The following EVPLL variants were observed in gnomAD, a reference collection of about 807,000 sequenced individuals.
EVPLL encodes envoplakin-like protein.
In EVPLL, 39 loss-of-function variants were observed where a neutral mutation model predicts 46.2. That is an observed-to-expected ratio of 0.84 (90% CI 0.65 to 1.10). EVPLL has a LOEUF of 1.10. EVPLL is among the 50% of genes least tolerant of loss of function. EVPLL has a pLI of 0.00. For synonymous variants in EVPLL, 156 were observed against 165.8 expected (o/e 0.94, Z 0.46); for missense variants, 385 against 412.6 (o/e 0.93, Z 0.58).
In EVPLL at chr17:18,381,007, A is replaced by G. The variant is rs1334942085; in HGVS notation, c.63+7A>G. On this transcript the variant is annotated splice_region_variant and intron_variant, in intron 2 of 10. Coordinates refer to ENST00000399134, the MANE Select transcript of EVPLL (RefSeq NM_001145127.2). The surrounding 1 kb of genome is among the most constrained non-coding windows in gnomAD (Gnocchi z 4.2). The stretch of plus-strand genomic sequence containing the variant: ...GCAGAAGAGGCTGCAGCAGGTGAGA[A>G]CCCGGCAGCAGTTGGCAGGGTGTGG... 2 of 1,578,038 alleles carry G rather than the reference A, an allele frequency of 1.3e-6. No individual in the cohort carries two copies. Among genetic ancestry groups the G allele is most frequent in the Admixed American group, 1.8e-5 (1 of 54,640 alleles).
Position 18,389,389 on chromosome 17 carries a change from C to T in EVPLL, c.*573C>T, listed in dbSNP as rs1987876020. ...TCCTGCTCTCAGAGGTGGCCTCCTC[C>T]TCCAGGCATGGAGGTCTGTCCACTA... On this transcript the variant is annotated 3_prime_UTR_variant, in exon 11 of 11. Coordinates refer to ENST00000399134, the MANE Select transcript of EVPLL (RefSeq NM_001145127.2). The T allele has an allele frequency of 8.5e-6, 1 of 117,658 alleles. No individual in the cohort carries two copies. The highest frequency in any genetic ancestry group is 2.6e-4 in the South Asian group (1 of 3,808). 7.3% of individuals were successfully genotyped at this position (117,658 alleles called of 1,614,324 possible).
rs747863293 is a variant in EVPLL at position 18,383,086 on chromosome 17, G to A, written c.573G>A (p.Thr191=). Residue 191 remains threonine, a synonymous_variant, in exon 7 of 11, where the codon ACG becomes ACA. Coordinates refer to ENST00000399134, the MANE Select transcript of EVPLL (RefSeq NM_001145127.2). ...GQPVHALQGC[T]WQLSALAEQQ... is the part of the protein sequence containing the mutation. ...CTGTACACGCACTGCAGGGCTGCAC[G>A]TGGCAGCTGAGCGCCCTGGCGGAGC... 77 of 1,553,188 alleles carry A rather than the reference G, an allele frequency of 5.0e-5. No individual in the cohort carries two copies. Among genetic ancestry groups the A allele is most frequent in the Middle Eastern group, 2.3e-4 (1 of 4,392 alleles).
chr17:18,381,994 GCA>G lies in EVPLL; in HGVS notation c.346+266_346+267del. The G allele has an allele frequency of 1.9e-6, 1 of 534,124 alleles. No homozygotes were observed. Among genetic ancestry groups the G allele is most frequent in the South Asian group, 2.4e-5 (1 of 41,492 alleles). 33.1% of individuals were successfully genotyped at this position (534,124 alleles called of 1,614,324 possible). A position where few individuals can be genotyped will look rare whatever the true frequency, so the allele number is the denominator to read the frequency against. On this transcript the variant is annotated intron_variant, in intron 4 of 10. Transcript: ENST00000399134. The surrounding 1 kb of genome is among the most constrained non-coding windows in gnomAD (Gnocchi z 4.2). Reference sequence around the variant, plus strand: ...ACAATTCCAGAAAGAAGGAGCAAAGGCACCTGCCAGGAGGAAGCCTAGGATTC... The same window carrying G: ...ACAATTCCAGAAAGAAGGAGCAAAGGCCTGCCAGGAGGAAGCCTAGGATTC...
Position 18,381,147 on chromosome 17 carries a change from C to T in EVPLL, c.63+147C>T, listed in dbSNP as rs1451320404. 2 of 1,205,434 alleles carry T rather than the reference C, an allele frequency of 1.7e-6. No individual in the cohort carries two copies. Among genetic ancestry groups the T allele is most frequent in the Non-Finnish European group, 2.3e-6 (2 of 858,034 alleles). 74.7% of individuals were successfully genotyped at this position (1,205,434 alleles called of 1,614,324 possible). A position where few individuals can be genotyped will look rare whatever the true frequency, so the allele number is the denominator to read the frequency against. On this transcript the variant is annotated intron_variant, in intron 2 of 10. Transcript: ENST00000399134. The surrounding 1 kb of genome is among the most constrained non-coding windows in gnomAD (Gnocchi z 4.2). Reference sequence around the variant, plus strand: ...GTCCTGCACCGCCTGTCCCCTAACACACGGTGGGAGAGAGGGCTCAACTTC... The same window carrying T: ...GTCCTGCACCGCCTGTCCCCTAACATACGGTGGGAGAGAGGGCTCAACTTC...
At position 18,383,342 on chromosome 17, in the gene EVPLL, G is replaced by C. The variant is rs983748392; in HGVS notation, c.744G>C (p.Met248Ile). 6.2e-7 allele frequency: 1 copy of C among 1,604,776 alleles called. No homozygotes were observed. The highest frequency in any genetic ancestry group is 1.3e-5 in the African/African-American group (1 of 74,680). ...AGCTGGAGGAGGACGGCAAGCGCAT[G>C]GTGGAGCTGCGGCACCCCGCGGTGG... ...VNQLEEDGKR[M>I]VELRHPAVGP... is the part of the protein sequence containing the mutation. The change falls in exon 8 of 11, where the codon ATG becomes ATC. Residue 248 changes from methionine to isoleucine, a missense_variant. Physicochemically the swap from Met to Ile is conservative, Grantham distance 10. Transcript: ENST00000399134.
Position 18,382,837 on chromosome 17 carries a change from C to T in EVPLL, c.484C>T (p.His162Tyr). Residue 162 changes from histidine to tyrosine, a missense_variant, in exon 6 of 11, where the codon CAT becomes TAT. Physicochemically the swap from His to Tyr is moderately conservative, Grantham distance 83 (BLOSUM62 2). Transcript: ENST00000399134. ...AEPGGAGCRHHPEPIPRPTEG... is the reference protein window; with the variant it reads ...AEPGGAGCRHYPEPIPRPTEG... ...CTTGGTCAAGGCAGGATGCCGCCAC[C>T]ATCCGGAGCCAATACCGAGACCTAC... 1 of 1,613,386 alleles carries T rather than the reference C, an allele frequency of 6.2e-7. No individual in the cohort carries two copies. The highest frequency in any genetic ancestry group is 8.5e-7 in the Non-Finnish European group (1 of 1,179,736).
chr17:18,379,607 G>A (rs991256415), intron 1 of EVPLL, among the ~76,000 whole-genome samples: 1 of 152,190 alleles, frequency 6.6e-6, no homozygotes, highest in African/African-American at 2.4e-5. Context: ...TCAGTCCTCA[G>A]GGCCCTGTTG....
intron 5 of EVPLL, 59 bp from the exon 6 acceptor site, chr17:18,382,767 G>A (rs1987626522): frequency 6.3e-7 from 1 of 1,579,054 alleles, no homozygotes; most frequent in African/African-American, 1.3e-5. Flanking sequence ...CAGATCTTAG[G>A]GGGCCGTCTC....
At position 18,388,450 on chromosome 17, in the gene EVPLL, C is replaced by G. The variant is rs917701333; in HGVS notation, c.*40+162C>G. ...CCTCCATGGGAAGGACCCTGGGAGA[C>G]CCAGCAGAGTGGGGTACCTGGGTTG... On this transcript the variant is annotated intron_variant, in intron 10 of 10. Transcript: ENST00000399134. 7.2e-6 allele frequency: 4 copies of G among 555,670 alleles called. No individual in the cohort carries two copies. In the East Asian group the frequency reaches 1.2e-4, roughly 16 times the overall value. The allele number at this position is 555,670 out of a possible 1,614,324, so 34.4% of individuals were successfully genotyped here.
In EVPLL at chr17:18,382,783, G is replaced by GC. The variant is rs756790889; in HGVS notation, c.473-39dup. 9 of 1,601,108 alleles carry GC rather than the reference G, an allele frequency of 5.6e-6. No individual in the cohort carries two copies. In the African/African-American group the frequency reaches 1.2e-4, roughly 21 times the overall value. On this transcript the variant is annotated intron_variant, in intron 5 of 10. Coordinates refer to ENST00000399134, the MANE Select transcript of EVPLL (RefSeq NM_001145127.2). The stretch of plus-strand genomic sequence containing the variant: ...AGATCTTAGGGGGCCGTCTCCCTGT[G>GC]CCCCACCTCTCACGGGCTTGTTTCT...
At chr17:18,380,246 C>A (rs1987516268) in intron 1 of EVPLL, 1 of 152,328 alleles carries the variant, frequency 6.6e-6, no homozygotes, top group South Asian at 2.1e-4. Flanking sequence ...GGGGTGGAAG[C>A]AAGGTTTCCC....
At position 18,382,548 on chromosome 17, in the gene EVPLL, G is replaced by A. The variant is rs1262783325; in HGVS notation, c.382G>A (p.Gly128Ser). 1.1e-5 allele frequency: 17 copies of A among 1,551,750 alleles called. No individual in the cohort carries two copies. Among genetic ancestry groups the A allele is most frequent in the African/African-American group, 5.5e-5 (4 of 73,070 alleles). The change falls in exon 5 of 11, where the codon GGC becomes AGC. Residue 128 changes from glycine to serine, a missense_variant. By Grantham distance (56) the Gly-to-Ser change is moderately conservative (BLOSUM62 0). Coordinates refer to ENST00000399134, the MANE Select transcript of EVPLL (RefSeq NM_001145127.2). Reference sequence around the variant, plus strand: ...GCGCAGGCCAGTATGGGCCGGGCATGGCGGAGCTGGAGGAACAGATCGCGG... The same window carrying A: ...GCGCAGGCCAGTATGGGCCGGGCATAGCGGAGCTGGAGGAACAGATCGCGG... The part of the protein sequence containing the change: ...GLRRPVWAGH[G>S]GAGGTDRGAQ...
At position 18,382,833 on chromosome 17, in the gene EVPLL, C is replaced by T. The variant is rs1393351700; in HGVS notation, c.480C>T (p.Arg160=). 1 of 1,613,340 alleles carries T rather than the reference C, an allele frequency of 6.2e-7. No individual in the cohort carries two copies. The highest frequency in any genetic ancestry group is 2.2e-5 in the East Asian group (1 of 44,862). Residue 160 remains arginine (R), a synonymous_variant, in exon 6 of 11, where the codon CGC becomes CGT. Transcript: ENST00000399134. ...TCCCCTTGGTCAAGGCAGGATGCCG[C>T]CACCATCCGGAGCCAATACCGAGAC... ...AAAEPGGAGC[R]HHPEPIPRPT...
In EVPLL at chr17:18,389,108, G is replaced by T. The variant is rs1276940699; in HGVS notation, c.*292G>T. On this transcript the variant is annotated 3_prime_UTR_variant, in exon 11 of 11. Coordinates refer to ENST00000399134, the MANE Select transcript of EVPLL (RefSeq NM_001145127.2). ...TGGAGATAGACGTGGCAGAGAAGAG[G>T]TTGCGAGCATGGCCCCAGCCAGCAG... is the stretch of plus-strand genomic sequence containing the variant. 4.7e-5 allele frequency: 6 copies of T among 128,592 alleles called. No homozygotes were observed. The highest frequency in any genetic ancestry group is 1.8e-4 in the African/African-American group (6 of 32,582). 8.0% of individuals were successfully genotyped at this position (128,592 alleles called of 1,614,324 possible). A position where few individuals can be genotyped will look rare whatever the true frequency, so the allele number is the denominator to read the frequency against.
chr17:18,381,036 G>C lies in EVPLL; in HGVS notation c.63+36G>C. 1 of 1,555,114 alleles carries C rather than the reference G, an allele frequency of 6.4e-7. No homozygotes were observed. Among genetic ancestry groups the C allele is most frequent in the Non-Finnish European group, 8.7e-7 (1 of 1,149,700 alleles). On this transcript the variant is annotated intron_variant, in intron 2 of 10. Coordinates refer to ENST00000399134, the MANE Select transcript of EVPLL (RefSeq NM_001145127.2). This position sits in a 1 kb window ranked among gnomAD's most constrained non-coding sequence, Gnocchi z 4.2. ...GGCAGCAGTTGGCAGGGTGTGGGCA[G>C]GCTGGGTGGCATGGGAGGCCCATCA... is the stretch of plus-strand genomic sequence containing the variant.
chr17:18,378,538 G>A (rs766958053), intron 1 of EVPLL, among the ~76,000 whole-genome samples: 10 of 152,170 alleles, frequency 6.6e-5, no homozygotes, highest in African/African-American at 1.2e-4. Flanking sequence ...ATGGCTGGGC[G>A]CGGTAGCTCA....
Position 18,377,976 on chromosome 17 carries a change from C to T in EVPLL, c.-44C>T. The T allele has an allele frequency of 1.1e-6, 1 of 939,176 alleles. No individual in the cohort carries two copies. 58.2% of individuals were successfully genotyped at this position (939,176 alleles called of 1,614,324 possible). On this transcript the variant is annotated 5_prime_UTR_variant, in exon 1 of 11. Coordinates refer to ENST00000399134, the MANE Select transcript of EVPLL (RefSeq NM_001145127.2). ...GTCCCCCAAAGGCTCCCCCAGCAAGCACAGCTGGTGAGTGGGACTAGGGGA... is the reference window on the plus strand; with the variant it reads ...GTCCCCCAAAGGCTCCCCCAGCAAGTACAGCTGGTGAGTGGGACTAGGGGA...
intron 9 of EVPLL, among the ~76,000 whole-genome samples, chr17:18,384,019 G>A (rs1299740616): frequency 6.6e-6 from 1 of 152,118 alleles, no homozygotes; most frequent in African/African-American, 2.4e-5. Context: ...CGGTCCCAGA[G>A]GGAAGGAAAG....
intron 1 of EVPLL, among the ~76,000 whole-genome samples, chr17:18,379,162 G>A (rs1311724795): frequency 2.6e-5 from 4 of 152,194 alleles, no homozygotes; most frequent in African/African-American, 7.2e-5. Context: ...TGGACCACCC[G>A]GTTCTCTGGG....
Sources: gnomAD v4.1 joint callset for allele counts (sites outside exome capture counted in the v4.1 genomes callset) on GRCh38, gnomAD v4.1.1 for gene constraint, Gnocchi (gnomAD v3.1) non-coding constraint, MANE v1.5 for transcripts, NCBI Gene and HGNC (gene_info 2026-07-23, HGNC 2026-07-21) for gene names.